The following SCUBE1 variants were observed in gnomAD, a reference collection of about 807,000 sequenced individuals.
SCUBE1 encodes the protein signal peptide, CUB domain and EGF like domain containing 1.
A neutral mutation model predicts 124.4 loss-of-function variants in SCUBE1; 59 were observed. That is an observed-to-expected ratio of 0.47 (90% CI 0.38 to 0.59). The LOEUF is 0.59. Among genes scored for constraint, SCUBE1 ranks in the 20% least tolerant of loss-of-function variants. The pLI is 0.00. For synonymous variants in SCUBE1, 545 were observed against 550.9 expected, an observed-to-expected ratio of 0.99 and a Z score of 0.15; for missense variants, 1,150 against 1,371.2, an observed-to-expected ratio of 0.84 and a Z score of 2.55.
intron 3 of SCUBE1, among the ~76,000 whole-genome samples, chr22:43,311,277 A>G (rs1175922016): frequency 6.6e-6 from 1 of 152,208 alleles, no homozygotes; most frequent in Non-Finnish European, 1.5e-5. Context: ...GTTCATAAGC[A>G]GGGAGATGTT....
intron 2 of SCUBE1, among the ~76,000 whole-genome samples, chr22:43,335,839 TG>T (rs1927053216): frequency 1.4e-5 from 2 of 145,330 alleles, no homozygotes; most frequent in African/African-American, 5.2e-5. Context: ...ATGGTGATGA[TG>T]ATAATGATGA....
chr22:43,316,124 G>A (rs1003718984), intron 3 of SCUBE1, among the ~76,000 whole-genome samples: 2 of 152,114 alleles, frequency 1.3e-5, no homozygotes, highest in Admixed American at 6.5e-5. Context: ...TGAATATTTG[G>A]TGCCAGACAC....
chr22:43,223,365 G>T, intron 10 of SCUBE1, 149 bp from the exon 11 acceptor site: 1 of 834,674 alleles, frequency 1.2e-6, no homozygotes, highest in Non-Finnish European at 1.8e-6. Context: ...CCTGGAGATC[G>T]CAGGTCCCTT....
intron 2 of SCUBE1, 70 bp from the exon 3 acceptor site, chr22:43,320,135 G>A: frequency 1.3e-6 from 2 of 1,587,072 alleles, no homozygotes; most frequent in Non-Finnish European, 1.7e-6. Flanking sequence ...CACCATGGAA[G>A]CCACCGGGAT....
chr22:43,210,343 G>T lies in SCUBE1; in HGVS notation c.2384-103C>A. On this transcript the variant is annotated intron_variant, in intron 18 of 21. Transcript: ENST00000360835. This position sits in a 1 kb window ranked among gnomAD's most constrained non-coding sequence, Gnocchi z 4.5. ...GGGAGGCCTAGGGCAGGGCTGGAAG[G>T]TGCTCTTGTCCCCCCCCACACTAGC... 4 of 1,011,730 alleles carry T rather than the reference G, an allele frequency of 4.0e-6. No individual in the cohort carries two copies. Among genetic ancestry groups the T allele is most frequent in the Non-Finnish European group, 5.5e-6 (4 of 730,338 alleles). 62.7% of individuals were successfully genotyped at this position (1,011,730 alleles called of 1,614,324 possible). A position where few individuals can be genotyped will look rare whatever the true frequency, so the allele number is the denominator to read the frequency against.
chr22:43,340,274 C>T (rs960621732), intron 1 of SCUBE1, among the ~76,000 whole-genome samples: 7 of 152,046 alleles, frequency 4.6e-5, no homozygotes, highest in Admixed American at 1.3e-4. Flanking sequence ...CCTCCCTCCT[C>T]GGAAATCCAC....
intron 4 of SCUBE1, among the ~76,000 whole-genome samples, chr22:43,288,685 C>T (rs928939274): frequency 6.6e-6 from 1 of 152,240 alleles, no homozygotes; most frequent in Non-Finnish European, 1.5e-5. Context: ...CACCGCATCA[C>T]CTCCCAAGGA....
At chr22:43,274,877 T>G (rs1924438462) in intron 4 of SCUBE1, among the ~76,000 whole-genome samples, 1 of 152,176 alleles carries the variant, frequency 6.6e-6, no homozygotes, top group African/African-American at 2.4e-5. Context: ...CGGGTACTTC[T>G]CATGGCCCTT....
At position 43,323,011 on chromosome 22, in the gene SCUBE1, G is replaced by A. The variant is rs1424037260; in HGVS notation, c.221-2946C>T. On this transcript the variant is annotated intron_variant, in intron 2 of 21. Coordinates refer to ENST00000360835, the MANE Select transcript of SCUBE1 (RefSeq NM_173050.5). ...GCTCAGGGTCACATAGTAAGTGGTA[G>A]GGCAAGGATCAGAACAAAGGTCTTT... is the stretch of plus-strand genomic sequence containing the variant. Among the ~76,000 whole-genome samples, 5 of 152,166 alleles carry A rather than the reference G, an allele frequency of 3.3e-5. 1 individual carries two copies. Among genetic ancestry groups the A allele is most frequent in the Non-Finnish European group, 7.4e-5 (5 of 68,018 alleles).
chr22:43,321,250 T>C (rs116299065), intron 2 of SCUBE1, among the ~76,000 whole-genome samples: 3,354 of 152,314 alleles, frequency 0.022, 124 homozygotes, highest in African/African-American at 0.076. Context: ...GGGGCCATCC[T>C]GTAGAAGAAG....
intron 2 of SCUBE1, among the ~76,000 whole-genome samples, chr22:43,323,186 C>T (rs1926613472): frequency 6.6e-6 from 1 of 152,138 alleles, no homozygotes; most frequent in African/African-American, 2.4e-5. Flanking sequence ...TCCAAATACC[C>T]ATTTACCCAT....
chr22:43,304,130 G>A (rs760088923), intron 3 of SCUBE1, among the ~76,000 whole-genome samples: 1 of 152,214 alleles, frequency 6.6e-6, no homozygotes, highest in Non-Finnish European at 1.5e-5. Context: ...ACGACTGTGA[G>A]CTTTTGTTTC....
chr22:43,235,908 T>C (rs1424006065), intron 7 of SCUBE1, among the ~76,000 whole-genome samples: 2 of 152,020 alleles, frequency 1.3e-5, no homozygotes, highest in Non-Finnish European at 2.9e-5. Context: ...CTTAGGCGCA[T>C]CTTCCAGGCC....
In SCUBE1 at chr22:43,214,261, C is replaced by A; in HGVS notation, c.1892-10G>T. The A allele has an allele frequency of 1.2e-6, 2 of 1,608,964 alleles. No individual in the cohort carries two copies. The highest frequency in any genetic ancestry group is 1.7e-6 in the Non-Finnish European group (2 of 1,177,612). ...CCAGGCCCACAGGCAACTGCAGAGG[C>A]AAAGCGGAGAGGCTGCTGGAGGCAG... is the stretch of plus-strand genomic sequence containing the variant. On this transcript the variant is annotated splice_polypyrimidine_tract_variant and intron_variant, in intron 15 of 21. Coordinates refer to ENST00000360835, the MANE Select transcript of SCUBE1 (RefSeq NM_173050.5).
rs181596100 is a variant in SCUBE1, at chr22:43,270,994, C to T, written c.485-8149G>A. 1.6e-3 allele frequency among the ~76,000 whole-genome samples: 238 copies of T among 152,310 alleles called. 3 individuals carry two copies. Among genetic ancestry groups the T allele is most frequent in the African/African-American group, 4.2e-3 (174 of 41,566 alleles). ...GAGCCCTGGGTGAGGGGCAGCCTCC[C>T]GGCCGCCCTGCACAACCCCCGCTCC... On this transcript the variant is annotated intron_variant, in intron 4 of 21. Transcript: ENST00000360835.
rs1921118681 is a variant in SCUBE1, at chr22:43,204,070, T to C, written c.2894A>G (p.Lys965Arg). 3.1e-6 allele frequency: 5 copies of C among 1,613,858 alleles called. No individual in the cohort carries two copies. The African/African-American group carries it at 6.7e-5, about 22-fold the overall frequency. ...NYFKYTAQES[K>R]EMFPRSFIKL... ...GATGAAGGACCGTGGGAACATCTCC[T>C]TGGATTCCTGGGCTGTGTACTTGAA... The change falls in exon 22 of 22, where the codon AAG becomes AGG. Residue 965 changes from lysine to arginine, a missense_variant. Lys to Arg is a conservative substitution (Grantham distance 26, BLOSUM62 2). This residue lies in a region of SCUBE1 where 757 missense variants were observed against 840.9 expected (regional missense o/e 0.90). Coordinates refer to ENST00000360835, the MANE Select transcript of SCUBE1 (RefSeq NM_173050.5).
At chr22:43,333,983 T>A (rs1926981769) in intron 2 of SCUBE1, among the ~76,000 whole-genome samples, 1 of 152,240 alleles carries the variant, frequency 6.6e-6, no homozygotes, top group South Asian at 2.1e-4. Flanking sequence ...CCTCGGGGCA[T>A]GCTCTGCTGA....
rs959897329 is a variant in SCUBE1 at position 43,223,103 on chromosome 22, C to T, written c.1321G>A (p.Val441Met). The change falls in exon 11 of 22, where the codon GTG becomes ATG. Residue 441 changes from valine (V) to methionine (M), a missense_variant. Transcript: ENST00000360835. ...CAGGGACGGCCCGGGTTACCTGGCACGAAGAGTGTGTGAGCCGGGCAGGAA... is the reference window on the plus strand; with the variant it reads ...CAGGGACGGCCCGGGTTACCTGGCATGAAGAGTGTGTGAGCCGGGCAGGAA... ...FLSCPAHTLF[V>M]PDSENSYVLS... 11 of 1,541,224 alleles carry T rather than the reference C, an allele frequency of 7.1e-6. No homozygotes were observed. The highest frequency in any genetic ancestry group is 1.2e-5 in the South Asian group (1 of 80,200).
At chr22:43,296,451 A>T (rs1015257979) in intron 3 of SCUBE1, among the ~76,000 whole-genome samples, 7 of 152,208 alleles carry the variant, frequency 4.6e-5, no homozygotes, top group African/African-American at 1.7e-4. Flanking sequence ...ATTTATGACC[A>T]CAGCTAAATG....
Sources: gnomAD v4.1 joint callset for allele counts (sites outside exome capture counted in the v4.1 genomes callset) on GRCh38, gnomAD v4.1.1 for gene constraint, gnomAD v4.1.1 regional missense constraint, Gnocchi (gnomAD v3.1) non-coding constraint, MANE v1.5 for transcripts, NCBI Gene and HGNC (gene_info 2026-07-23, HGNC 2026-07-21) for gene names.